The following NTRK2 variants were observed in gnomAD, a reference collection of about 807,000 sequenced individuals.
NTRK2 encodes the protein BDNF/NT-3 growth factors receptor.
In NTRK2, 13 loss-of-function variants were observed where a neutral mutation model predicts 94.5. The ratio of observed to expected loss-of-function variants is 0.14; its 90% CI spans 0.09 to 0.22. The LOEUF (loss-of-function observed/expected upper bound fraction) is 0.22, where lower values mean the gene tolerates loss of function less well. Ranked by LOEUF, NTRK2 falls within the 10% of genes least tolerant of loss-of-function variation. The probability of loss-of-function intolerance (pLI) is 1.00; values close to 1 mark genes in which losing one functional copy is unlikely to be tolerated. For missense variants in NTRK2, 639 were observed against 1,071.2 expected, an observed-to-expected ratio of 0.60 and a Z score of 5.63; for synonymous variants, 372 against 407.4, an observed-to-expected ratio of 0.91 and a Z score of 1.05.
At chr9:84,981,310 C>T (rs56061009) in intron 17 of NTRK2, among the ~76,000 whole-genome samples, 33,853 of 151,858 alleles carry the variant, frequency 0.22, 4,616 homozygotes, top group African/African-American at 0.39. Flanking sequence ...CCATGTTGGC[C>T]AGGCTGGCCT....
At chr9:84,702,323 T>C (rs777732216) in intron 3 of NTRK2, 25 bp from the exon 4 acceptor site, 20 of 1,613,064 alleles carry the variant, frequency 1.2e-5, no homozygotes, top group Non-Finnish European at 1.4e-5. Flanking sequence ...CGTTCTAATG[T>C]GCATGAAATT....
intron 12 of NTRK2, among the ~76,000 whole-genome samples, chr9:84,860,433 G>T (rs1396121942): frequency 2.0e-5 from 3 of 152,282 alleles, no homozygotes; most frequent in Non-Finnish European, 2.9e-5. Context: ...TCAGGAGCGA[G>T]AATCCATGTA....
intron 2 of NTRK2, among the ~76,000 whole-genome samples, chr9:84,671,162 A>G (rs1393072070): frequency 6.6e-6 from 1 of 152,206 alleles, no homozygotes; most frequent in Non-Finnish European, 1.5e-5. Flanking sequence ...ACACTTTAGA[A>G]TAAGTTTCAA....
At chr9:84,810,832 A>G (rs569502922) in intron 12 of NTRK2, 6 of 1,346,330 alleles carry the variant, frequency 4.5e-6, no homozygotes, top group Non-Finnish European at 5.7e-6. Context: ...AACATGTTAA[A>G]TTAATGCTTC....
Position 84,723,726 on chromosome 9 carries a change from G to C in NTRK2, c.720+17G>C, listed in dbSNP as rs765076433. ...AAACATATGGTAAGGCTTGTGTTTG[G>C]CTGTGTCTTAATAGAGAGACAAGAG... is the stretch of plus-strand genomic sequence containing the variant. On this transcript the variant is annotated intron_variant, in intron 7 of 18. Coordinates refer to ENST00000277120, the MANE Select transcript of NTRK2 (RefSeq NM_006180.6). The C allele has an allele frequency of 6.2e-7, 1 of 1,613,860 alleles. No homozygotes were observed. Among genetic ancestry groups the C allele is most frequent in the Non-Finnish European group, 8.5e-7 (1 of 1,179,874 alleles).
chr9:84,956,565 G>A (rs1414083076), intron 17 of NTRK2, among the ~76,000 whole-genome samples: 3 of 152,160 alleles, frequency 2.0e-5, no homozygotes, highest in Non-Finnish European at 1.5e-5. Flanking sequence ...AAGGGAAAAG[G>A]AAGGAAGGGA....
At chr9:84,793,129 T>G (rs1015645724) in intron 12 of NTRK2, among the ~76,000 whole-genome samples, 6 of 152,162 alleles carry the variant, frequency 3.9e-5, no homozygotes, top group Admixed American at 1.3e-4. Flanking sequence ...TGAGAGGTCT[T>G]TTCTCTATTT....
chr9:84,795,204 C>T (rs2069166378), intron 12 of NTRK2, among the ~76,000 whole-genome samples: 1 of 152,164 alleles, frequency 6.6e-6, no homozygotes, highest in Non-Finnish European at 1.5e-5. Context: ...TGGCAGCTTT[C>T]CTGCATCTAC....
At chr9:84,920,337 AC>A (rs1382524244) in intron 14 of NTRK2, among the ~76,000 whole-genome samples, 1 of 152,032 alleles carries the variant, frequency 6.6e-6, no homozygotes, top group African/African-American at 2.4e-5. Context: ...AATTCTCTTG[AC>A]AGGTCAGGCT....
At chr9:84,685,672 T>A in intron 2 of NTRK2, among the ~76,000 whole-genome samples, 1 of 152,222 alleles carries the variant, frequency 6.6e-6, no homozygotes, top group East Asian at 1.9e-4. Context: ...ATTTATCTAC[T>A]GAGCTATATT....
At chr9:84,864,021 G>C (rs2075455071) in intron 13 of NTRK2, among the ~76,000 whole-genome samples, 1 of 152,214 alleles carries the variant, frequency 6.6e-6, no homozygotes, top group Admixed American at 6.5e-5. Flanking sequence ...AGGAGAAGCA[G>C]AGAGCAAATC....
At chr9:84,789,776 T>G (rs1279843626) in intron 12 of NTRK2, among the ~76,000 whole-genome samples, 1 of 152,180 alleles carries the variant, frequency 6.6e-6, no homozygotes, top group Non-Finnish European at 1.5e-5. Flanking sequence ...AAATCTACCT[T>G]AACCCTAAGC....
chr9:84,905,969 T>A (rs1006865843), intron 14 of NTRK2, among the ~76,000 whole-genome samples: 1 of 152,184 alleles, frequency 6.6e-6, no homozygotes, highest in East Asian at 1.9e-4. Flanking sequence ...ATAAAGAACA[T>A]GAGTGGAAGC....
At chr9:84,956,384 C>G (rs1350067382) in intron 17 of NTRK2, among the ~76,000 whole-genome samples, 1 of 152,104 alleles carries the variant, frequency 6.6e-6, no homozygotes, top group Non-Finnish European at 1.5e-5. Context: ...GATATGTTAA[C>G]TTTGTTAACT....
intron 2 of NTRK2, 58 bp downstream of exon 2, chr9:84,671,018 A>G: frequency 1.3e-6 from 2 of 1,518,174 alleles, no homozygotes; most frequent in East Asian, 2.3e-5. Context: ...CGAGCTGGCC[A>G]GGTGGGTAGG....
rs2117935060 is a variant in NTRK2, at chr9:85,020,262, C to T, written c.2229C>T (p.Tyr743=). 2 of 1,614,084 alleles carry T rather than the reference C, an allele frequency of 1.2e-6. No individual in the cohort carries two copies. Among genetic ancestry groups the T allele is most frequent in the Non-Finnish European group, 1.7e-6 (2 of 1,180,000 alleles). The change falls in exon 18 of 19, where the codon TAC becomes TAT. Residue 743 remains tyrosine (Y), a synonymous_variant. Coordinates refer to ENST00000277120, the MANE Select transcript of NTRK2 (RefSeq NM_006180.6). ...GGATGCCTCCAGAGAGCATCATGTA[C>T]AGGAAATTCACGACGGAAAGCGACG... is the stretch of plus-strand genomic sequence containing the variant. The part of the protein sequence containing the change: ...IRWMPPESIM[Y]RKFTTESDVW...
intron 17 of NTRK2, among the ~76,000 whole-genome samples, chr9:85,006,101 A>G (rs935202057): frequency 6.6e-6 from 1 of 152,152 alleles, no homozygotes; most frequent in African/African-American, 2.4e-5. Flanking sequence ...TGAATTATCA[A>G]CTCCATGGTT....
intron 12 of NTRK2, among the ~76,000 whole-genome samples, chr9:84,834,905 A>G (rs998979151): frequency 1.3e-5 from 2 of 152,208 alleles, no homozygotes; most frequent in Admixed American, 1.3e-4. Context: ...GACACTGAAA[A>G]TTATGTAGCT....
intron 2 of NTRK2, among the ~76,000 whole-genome samples, chr9:84,674,734 G>A (rs2058925195): frequency 6.6e-6 from 1 of 152,152 alleles, no homozygotes; most frequent in African/African-American, 2.4e-5. Flanking sequence ...TGTCTTCATA[G>A]TGTAGGTATT....
Sources: allele counts gnomAD v4.1 joint callset (sites outside exome capture counted in the v4.1 genomes callset), GRCh38; gene constraint gnomAD v4.1.1; transcripts MANE v1.5; gene names NCBI Gene and HGNC (gene_info 2026-07-23, HGNC 2026-07-21).